The following RBFOX1 variants were observed in gnomAD, a reference collection of about 807,000 sequenced individuals.
RBFOX1 encodes the protein RNA binding protein fox-1 homolog 1.
A neutral mutation model predicts 57.7 loss-of-function variants in RBFOX1; 8 were observed. That is an observed-to-expected ratio of 0.14 (90% CI 0.08 to 0.25). The LOEUF (loss-of-function observed/expected upper bound fraction) is 0.25. Ranked by LOEUF, RBFOX1 falls within the 10% of genes least tolerant of loss-of-function variation. The probability of loss-of-function intolerance (pLI) is 1.00; values close to 1 mark genes in which losing one functional copy is unlikely to be tolerated. For synonymous variants in RBFOX1, 326 were observed against 222.4 expected, an observed-to-expected ratio of 1.47 and a Z score of -4.15; for missense variants, 611 against 548.5, an observed-to-expected ratio of 1.11 and a Z score of -1.14.
chr16:6,361,197 G>C (rs1193510747), intron 2 of RBFOX1, among the ~76,000 whole-genome samples: 1 of 152,014 alleles, frequency 6.6e-6, no homozygotes, highest in Non-Finnish European at 1.5e-5. Flanking sequence ...CAAAAGGAAT[G>C]GGACCCAGTG....
chr16:5,375,418 C>G (rs2065960421), intron 1 of RBFOX1, among the ~76,000 whole-genome samples: 1 of 152,086 alleles, frequency 6.6e-6, no homozygotes, highest in Non-Finnish European at 1.5e-5. Flanking sequence ...TGGGAGGAAA[C>G]AGCATCATGG....
At chr16:5,331,568 T>A (rs183534792) in intron 1 of RBFOX1, among the ~76,000 whole-genome samples, 2 of 152,382 alleles carry the variant, frequency 1.3e-5, no homozygotes, top group East Asian at 3.9e-4. Context: ...TCTTTGAGCC[T>A]TTGCAGACAT....
intron 3 of RBFOX1, among the ~76,000 whole-genome samples, chr16:6,949,750 T>C (rs1598151506): frequency 6.6e-6 from 1 of 152,122 alleles, no homozygotes; most frequent in Admixed American, 6.6e-5. Flanking sequence ...AACTAGGAAT[T>C]TTGAAGGGAC....
chr16:6,741,695 G>T (rs1272353095), intron 3 of RBFOX1, among the ~76,000 whole-genome samples: 1 of 151,738 alleles, frequency 6.6e-6, no homozygotes, highest in South Asian at 2.1e-4. Flanking sequence ...TTAAGGATGT[G>T]GTCTCTGAAC....
At chr16:6,672,370 G>T (rs2098771299) in intron 3 of RBFOX1, among the ~76,000 whole-genome samples, 1 of 150,434 alleles carries the variant, frequency 6.6e-6, no homozygotes, top group African/African-American at 2.5e-5. Context: ...GAGAGAAGAG[G>T]GAGAAAGAGA....
intron 3 of RBFOX1, among the ~76,000 whole-genome samples, chr16:5,694,879 G>A (rs2050800592): frequency 6.6e-6 from 1 of 151,824 alleles, no homozygotes; most frequent in Non-Finnish European, 1.5e-5. Flanking sequence ...GAGAGACAAT[G>A]AAAGCAGGAA....
intron 3 of RBFOX1, among the ~76,000 whole-genome samples, chr16:7,017,976 G>A (rs1481854228): frequency 1.3e-5 from 2 of 152,152 alleles, no homozygotes; most frequent in African/African-American, 4.8e-5. Context: ...TTCTCTACGG[G>A]CAGTTGTGGT....
intron 2 of RBFOX1, among the ~76,000 whole-genome samples, chr16:5,598,377 C>T (rs1288323197): frequency 1.3e-5 from 2 of 152,154 alleles, no homozygotes; most frequent in Non-Finnish European, 2.9e-5. Flanking sequence ...CGGACCAGCA[C>T]TGCCTCAGGA....
intron 4 of RBFOX1, among the ~76,000 whole-genome samples, chr16:5,930,315 A>G (rs530516760): frequency 1.6e-5 from 2 of 123,328 alleles, no homozygotes; most frequent in South Asian, 6.2e-4. Context: ...GGTTGGTTGG[A>G]TGGATGGATG....
At chr16:5,640,771 G>A (rs180923743) in intron 3 of RBFOX1, among the ~76,000 whole-genome samples, 15 of 140,642 alleles carry the variant, frequency 1.1e-4, no homozygotes, top group African/African-American at 4.0e-4. Flanking sequence ...ATACACACAG[G>A]CACATACACA....
At chr16:6,899,112 CGTGTTTATGCATATGTGTATAT>C (rs2067784633) in intron 3 of RBFOX1, among the ~76,000 whole-genome samples, 2 of 149,886 alleles carry the variant, frequency 1.3e-5, no homozygotes, top group Admixed American at 6.6e-5. Context: ...TCTGTGTATA[CGTGTTTATGCATATGTGTATAT>C]GTGTGTATGG....
At chr16:7,611,155 C>T (rs1237838302) in intron 10 of RBFOX1, among the ~76,000 whole-genome samples, 2 of 152,136 alleles carry the variant, frequency 1.3e-5, no homozygotes, top group African/African-American at 2.4e-5. Flanking sequence ...CCCAGCCTCC[C>T]GTTGTCTCTC....
At chr16:7,568,845 C>G (rs556320459) in intron 5 of RBFOX1, among the ~76,000 whole-genome samples, 10 of 134,644 alleles carry the variant, frequency 7.4e-5, no homozygotes, top group African/African-American at 2.1e-4. Context: ...TGAGATCACG[C>G]CACTGCACTC....
chr16:6,562,225 C>T (rs2097188246), intron 2 of RBFOX1, among the ~76,000 whole-genome samples: 1 of 152,326 alleles, frequency 6.6e-6, no homozygotes, highest in African/African-American at 2.4e-5. Context: ...GAACTTGTAT[C>T]AGTGATTTAA....
rs553937025 is a variant in RBFOX1 at position 7,379,585 on chromosome 16, T to C, written c.28-138562T>C. On this transcript the variant is annotated intron_variant, in intron 4 of 15. Transcript: ENST00000550418. ...ATATGTGGTAAATATATATAGACAATAAAGAAACTCAAAATTCAGGATATT... is the reference window on the plus strand; with the variant it reads ...ATATGTGGTAAATATATATAGACAACAAAGAAACTCAAAATTCAGGATATT... Among the ~76,000 whole-genome samples the C allele has an allele frequency of 1.1e-4, 16 of 152,208 alleles. No individual in the cohort carries two copies. The South Asian group carries it at 3.1e-3, about 30-fold the overall frequency.
intron 1 of RBFOX1, among the ~76,000 whole-genome samples, chr16:5,454,665 C>T (rs1386772900): frequency 1.3e-5 from 2 of 152,122 alleles, no homozygotes; most frequent in African/African-American, 4.8e-5. Context: ...TGGTTATCCA[C>T]CTTGCAGATT....
At chr16:5,618,489 C>T (rs1176745566) in intron 3 of RBFOX1, among the ~76,000 whole-genome samples, 7 of 152,144 alleles carry the variant, frequency 4.6e-5, no homozygotes, top group African/African-American at 1.7e-4. Flanking sequence ...AGGCGCCCGC[C>T]ATCACGCCCA....
intron 4 of RBFOX1, among the ~76,000 whole-genome samples, chr16:7,313,568 G>A (rs1367178254): frequency 6.7e-6 from 1 of 150,086 alleles, no homozygotes; most frequent in Non-Finnish European, 1.5e-5. Context: ...TTTAGGTAAC[G>A]AGATAAGCCA....
chr16:6,478,429 A>ATATATATATATGTATTTT (rs1159954387), intron 2 of RBFOX1, among the ~76,000 whole-genome samples: 1 of 24,616 alleles, frequency 4.1e-5, no homozygotes, highest in Non-Finnish European at 7.8e-5. Flanking sequence ...ATATATATAT[A>ATATATATATATGTATTTT]TTTTTTTTTT....
Sources: gnomAD v4.1 joint callset for allele counts (sites outside exome capture counted in the v4.1 genomes callset) on GRCh38, gnomAD v4.1.1 for gene constraint, MANE v1.5 for transcripts, NCBI Gene and HGNC (gene_info 2026-07-23, HGNC 2026-07-21) for gene names.